PIK3CG: variants seen among roughly 807,000 people sequenced by gnomAD.
PIK3CG encodes phosphatidylinositol 4,5-bisphosphate 3-kinase catalytic subunit gamma isoform.
Under a neutral mutation model 102.3 loss-of-function variants are expected in PIK3CG, and 55 were observed. The observed-to-expected ratio is 0.54, with a 90% CI of 0.43 to 0.67. The LOEUF is 0.67. PIK3CG is among the 30% of genes least tolerant of loss of function. PIK3CG has a pLI of 0.00. For missense variants in PIK3CG, 1,258 were observed against 1,391.8 expected, an observed-to-expected ratio of 0.90 and a Z score of 1.53; for synonymous variants, 552 against 540.0, an observed-to-expected ratio of 1.02 and a Z score of -0.31.
At chr7:106,887,364 G>C (rs888485535) in intron 10 of PIK3CG, among the ~76,000 whole-genome samples, 4 of 152,126 alleles carry the variant, frequency 2.6e-5, no homozygotes, top group Admixed American at 2.6e-4. Context: ...AACATGATTT[G>C]CTTTGCATTG....
intron 4 of PIK3CG, among the ~76,000 whole-genome samples, chr7:106,873,301 A>G (rs987297098): frequency 6.6e-6 from 1 of 152,200 alleles, no homozygotes; most frequent in African/African-American, 2.4e-5. Flanking sequence ...GTCTTATAAA[A>G]TGATGAATTT....
chr7:106,870,942 A>T (rs1195354410), intron 2 of PIK3CG, among the ~76,000 whole-genome samples: 2 of 152,256 alleles, frequency 1.3e-5, no homozygotes, highest in Admixed American at 6.5e-5. Context: ...TCCATAACAG[A>T]AACAACATGA....
rs1308296330 is a variant in PIK3CG, at chr7:106,901,854, G to T, written c.3031-3255G>T. Among the ~76,000 whole-genome samples the T allele has an allele frequency of 2.0e-5, 3 of 152,122 alleles. No homozygotes were observed. The East Asian group carries it at 5.8e-4, about 29-fold the overall frequency. On this transcript the variant is annotated intron_variant, in intron 10 of 10. Coordinates refer to ENST00000496166, the MANE Select transcript of PIK3CG (RefSeq NM_001282426.2). ...GAGGTATTTTTGGTGTTGAAGCTTT[G>T]GGGTATGATCCAGCAGGTGGCACTT...
intron 10 of PIK3CG, among the ~76,000 whole-genome samples, chr7:106,901,560 A>G (rs542561509): frequency 2.2e-4 from 34 of 152,252 alleles, no homozygotes; most frequent in African/African-American, 6.3e-4. Context: ...TGTGTCTGTC[A>G]TTCCAGCCAG....
chr7:106,875,908 TG>T (rs1790715961), intron 5 of PIK3CG, among the ~76,000 whole-genome samples: 1 of 128,562 alleles, frequency 7.8e-6, no homozygotes, highest in African/African-American at 2.9e-5. Context: ...GTTTTTTTTT[TG>T]TTTTTTTTTT....
rs373006568 is a variant in PIK3CG, at chr7:106,883,056, G to A, written c.2653G>A (p.Ala885Thr). The A allele has an allele frequency of 5.6e-6, 9 of 1,613,902 alleles. No individual in the cohort carries two copies. Among genetic ancestry groups the A allele is most frequent in the South Asian group, 2.2e-5 (2 of 91,072 alleles). The change falls in exon 8 of 11, where the codon GCC becomes ACC. Residue 885 changes from alanine to threonine, a missense_variant. Coordinates refer to ENST00000496166, the MANE Select transcript of PIK3CG (RefSeq NM_001282426.2). The surrounding 1 kb of genome is among the most constrained non-coding windows in gnomAD (Gnocchi z 5.8). ...AGGAATGATCGAGATTGTGAAAGAC[G>A]CCACGACAATTGCCAAAATTCAGCA... ...KIGMIEIVKD[A>T]TTIAKIQQST...
In PIK3CG at chr7:106,868,857, G is replaced by A. The variant is rs541565025; in HGVS notation, c.1296G>A (p.Gln432=). The A allele has an allele frequency of 1.2e-6, 2 of 1,614,114 alleles. No homozygotes were observed. The highest frequency in any genetic ancestry group is 8.5e-7 in the Non-Finnish European group (1 of 1,180,060). ...CCAAAGGGGCTCTACTGAACCTCCA[G>A]ATCTACTGCGGTAAAGCTCCAGCAC... The part of the protein sequence containing the change: ...DLPKGALLNL[Q]IYCGKAPALS... The change falls in exon 2 of 11, where the codon CAG becomes CAA. Residue 432 remains glutamine (Q), a synonymous_variant. Coordinates refer to ENST00000496166, the MANE Select transcript of PIK3CG (RefSeq NM_001282426.2). The surrounding 1 kb of genome is among the most constrained non-coding windows in gnomAD (Gnocchi z 6.2).
rs1449627559 is a variant in PIK3CG, at chr7:106,879,702, A to T, written c.2538+37A>T. The stretch of plus-strand genomic sequence containing the variant: ...TTAAGATTGTTTTCAATTATCTGAA[A>T]ACAATTCTATATTACATCAAAAACA... On this transcript the variant is annotated intron_variant, in intron 6 of 10. Coordinates refer to ENST00000496166, the MANE Select transcript of PIK3CG (RefSeq NM_001282426.2). The surrounding 1 kb of genome is among the most constrained non-coding windows in gnomAD (Gnocchi z 4.9). 6 of 1,523,110 alleles carry T rather than the reference A, an allele frequency of 3.9e-6. No individual in the cohort carries two copies. The highest frequency in any genetic ancestry group is 5.4e-6 in the Non-Finnish European group (6 of 1,101,358). The allele number at this position is 1,523,110 out of a possible 1,614,324, so 94.3% of individuals were successfully genotyped here.
intron 5 of PIK3CG, among the ~76,000 whole-genome samples, chr7:106,875,718 A>G (rs1180532973): frequency 2.0e-5 from 3 of 152,158 alleles, no homozygotes; most frequent in African/African-American, 4.8e-5. Context: ...GATATACCAC[A>G]GTTTGTTTTC....
In PIK3CG at chr7:106,894,452, A is replaced by G. The variant is rs1267080198; in HGVS notation, c.3030+8160A>G. On this transcript the variant is annotated intron_variant, in intron 10 of 10. Transcript: ENST00000496166. The surrounding 1 kb of genome is among the most constrained non-coding windows in gnomAD (Gnocchi z 4.4). ...TACTTACAGATAAAAATCCTAATTC[A>G]AACTCATCAAATGCATGGCCAAGTA... is the stretch of plus-strand genomic sequence containing the variant. Among the ~76,000 whole-genome samples the G allele has an allele frequency of 6.6e-6, 1 of 152,200 alleles. No individual in the cohort carries two copies. Among genetic ancestry groups the G allele is most frequent in the Non-Finnish European group, 1.5e-5 (1 of 68,026 alleles).
At chr7:106,901,677 A>G (rs571332535) in intron 10 of PIK3CG, among the ~76,000 whole-genome samples, 1 of 152,264 alleles carries the variant, frequency 6.6e-6, no homozygotes, top group Admixed American at 6.5e-5. Context: ...GTCCTTTCTC[A>G]TCTCTGCATG....
chr7:106,906,088 T>C lies in PIK3CG; in HGVS notation c.*701T>C. Reference sequence around the variant, plus strand: ...TTTGTGTCAACTCTGTCCACAAGAGTGAGTTATCTAGTATGATTAGTATAG... The same window carrying C: ...TTTGTGTCAACTCTGTCCACAAGAGCGAGTTATCTAGTATGATTAGTATAG... On this transcript the variant is annotated 3_prime_UTR_variant, in exon 11 of 11. Transcript: ENST00000496166. The C allele has an allele frequency of 4.4e-6, 1 of 226,198 alleles. No individual in the cohort carries two copies. Among genetic ancestry groups the C allele is most frequent in the Non-Finnish European group, 8.7e-6 (1 of 114,646 alleles). 14.0% of individuals were successfully genotyped at this position (226,198 alleles called of 1,614,324 possible). A position where few individuals can be genotyped will look rare whatever the true frequency, so the allele number is the denominator to read the frequency against.
chr7:106,900,084 AG>A (rs1421646041), intron 10 of PIK3CG, among the ~76,000 whole-genome samples: 1 of 151,888 alleles, frequency 6.6e-6, no homozygotes, highest in Non-Finnish European at 1.5e-5. Flanking sequence ...CAGTCTTGGG[AG>A]GGTGTATGTG....
At chr7:106,871,532 C>T (rs771646876) in intron 2 of PIK3CG, among the ~76,000 whole-genome samples, 3 of 152,144 alleles carry the variant, frequency 2.0e-5, no homozygotes, top group African/African-American at 7.2e-5. Context: ...GAATTTCTTC[C>T]GTTCCTTAGG....
intron 10 of PIK3CG, among the ~76,000 whole-genome samples, chr7:106,901,263 CT>C (rs1791545527): frequency 6.8e-6 from 1 of 146,262 alleles, no homozygotes; most frequent in Non-Finnish European, 1.5e-5. Context: ...TCTTTTTTTT[CT>C]TTTTTCTTTA....
In PIK3CG at chr7:106,874,791, A is replaced by C. The variant is rs747366867; in HGVS notation, c.2379A>C (p.Ala793=). ...FRVPYDPGLK[A]GALAIEKCKV... ...TTCCATATGATCCTGGACTGAAAGC[A>C]GGAGCGCTGGCAGTAGGTATCACTT... The change falls in exon 5 of 11, where the codon GCA becomes GCC. Residue 793 remains alanine, a synonymous_variant. Transcript: ENST00000496166. The surrounding 1 kb of genome is among the most constrained non-coding windows in gnomAD (Gnocchi z 4.3). 1 of 1,611,144 alleles carries C rather than the reference A, an allele frequency of 6.2e-7. No individual in the cohort carries two copies. Among genetic ancestry groups the C allele is most frequent in the Non-Finnish European group, 8.5e-7 (1 of 1,177,424 alleles).
In PIK3CG at chr7:106,883,379, A is replaced by G. The variant is rs1040557655; in HGVS notation, c.2760+216A>G. Among the ~76,000 whole-genome samples, 6 of 152,126 alleles carry G rather than the reference A, an allele frequency of 3.9e-5. No individual in the cohort carries two copies. Among genetic ancestry groups the G allele is most frequent in the Non-Finnish European group, 7.4e-5 (5 of 68,020 alleles). On this transcript the variant is annotated intron_variant, in intron 8 of 10. Coordinates refer to ENST00000496166, the MANE Select transcript of PIK3CG (RefSeq NM_001282426.2). The surrounding 1 kb of genome is among the most constrained non-coding windows in gnomAD (Gnocchi z 5.8). ...GCACTCAGTTCAGGACTCCATGAGC[A>G]TTTGCTTCTCTTTTGATTATCAGGC...
rs1327773844 is a variant in PIK3CG at position 106,895,439 on chromosome 7, TC to T, written c.3030+9148del. Among the ~76,000 whole-genome samples the T allele has an allele frequency of 6.6e-6, 1 of 152,166 alleles. No individual in the cohort carries two copies. The highest frequency in any genetic ancestry group is 2.4e-5 in the African/African-American group (1 of 41,446). On this transcript the variant is annotated intron_variant, in intron 10 of 10. Coordinates refer to ENST00000496166, the MANE Select transcript of PIK3CG (RefSeq NM_001282426.2). The surrounding 1 kb of genome is among the most constrained non-coding windows in gnomAD (Gnocchi z 5.4). The stretch of plus-strand genomic sequence containing the variant: ...GAGTCCAAAAGGCAGAAATGAAACT[TC>T]TGGGACTGAGCGGGCAGGGCAGGTG...
Position 106,884,623 on chromosome 7 carries a change from G to C in PIK3CG, c.2872+357G>C, listed in dbSNP as rs1791032811. On this transcript the variant is annotated intron_variant, in intron 9 of 10. Coordinates refer to ENST00000496166, the MANE Select transcript of PIK3CG (RefSeq NM_001282426.2). The surrounding 1 kb of genome is among the most constrained non-coding windows in gnomAD (Gnocchi z 4.2). ...CTTTGGCACCAAGGACCGGCTTCTT[G>C]GAAGACACCTTTTCCACGGACAGGG... Among the ~76,000 whole-genome samples the C allele has an allele frequency of 6.6e-6, 1 of 152,168 alleles. No individual in the cohort carries two copies. Among genetic ancestry groups the C allele is most frequent in the Admixed American group, 6.5e-5 (1 of 15,280 alleles).
Sources: gnomAD v4.1 joint callset for allele counts (sites outside exome capture counted in the v4.1 genomes callset) on GRCh38, gnomAD v4.1.1 for gene constraint, Gnocchi (gnomAD v3.1) non-coding constraint, MANE v1.5 for transcripts, NCBI Gene and HGNC (gene_info 2026-07-23, HGNC 2026-07-21) for gene names.